Variants in PDE4B observed in about 807,000 individuals in gnomAD.
PDE4B encodes 3',5'-cyclic-AMP phosphodiesterase 4B.
A neutral mutation model predicts 82.2 loss-of-function variants in PDE4B; 20 were observed. The observed-to-expected ratio is 0.24, with a 90% CI of 0.17 to 0.35. The LOEUF is 0.35. Among genes scored for constraint, PDE4B ranks in the 10% least tolerant of loss-of-function variants. PDE4B has a pLI of 1.00. For synonymous variants in PDE4B, 320 were observed against 318.9 expected, an observed-to-expected ratio of 1.00 and a Z score of -0.04; for missense variants, 655 against 907.2, an observed-to-expected ratio of 0.72 and a Z score of 3.57.
At chr1:66,025,255 A>G (rs1653370812) in intron 3 of PDE4B, among the ~76,000 whole-genome samples, 1 of 152,140 alleles carries the variant, frequency 6.6e-6, no homozygotes, top group Non-Finnish European at 1.5e-5. Flanking sequence ...TACTTCAAGG[A>G]AAGAAGTGAT....
chr1:66,262,970 T>C (rs1379882527), intron 6 of PDE4B, among the ~76,000 whole-genome samples: 1 of 152,204 alleles, frequency 6.6e-6, no homozygotes, highest in Non-Finnish European at 1.5e-5. Context: ...CCTAGTTCAG[T>C]TTCTTCTTTC....
chr1:66,101,714 C>T lies in PDE4B; in HGVS notation c.282-145746C>T, dbSNP rs1400360015. Among the ~76,000 whole-genome samples, 30 of 151,862 alleles carry T rather than the reference C, an allele frequency of 2.0e-4. No individual in the cohort carries two copies. The East Asian group carries it at 2.5e-3, about 13-fold the overall frequency. On this transcript the variant is annotated intron_variant, in intron 3 of 16. Coordinates refer to ENST00000341517, the MANE Select transcript of PDE4B (RefSeq NM_002600.4). ...TTCTTGTTAATTTGTTTGAGTTCTTCGTAGATTCTGGATATTAGCCCTTTG... is the reference window on the plus strand; with the variant it reads ...TTCTTGTTAATTTGTTTGAGTTCTTTGTAGATTCTGGATATTAGCCCTTTG...
chr1:66,007,248 T>C (rs1271786860), intron 3 of PDE4B, among the ~76,000 whole-genome samples: 1 of 152,096 alleles, frequency 6.6e-6, no homozygotes. Context: ...CATTCAAGAC[T>C]AGCCTGACCA....
chr1:65,947,886 G>A (rs1204115207), intron 3 of PDE4B, among the ~76,000 whole-genome samples: 2 of 150,714 alleles, frequency 1.3e-5, no homozygotes, highest in African/African-American at 4.9e-5. Context: ...CTTAGTTTGT[G>A]TACTTTGTTA....
At chr1:66,009,655 T>A (rs907512300) in intron 3 of PDE4B, among the ~76,000 whole-genome samples, 3 of 152,148 alleles carry the variant, frequency 2.0e-5, no homozygotes, top group African/African-American at 7.2e-5. Flanking sequence ...CTCGGCCTTT[T>A]CTTGTTGTCA....
intron 9 of PDE4B, among the ~76,000 whole-genome samples, chr1:66,357,846 C>A (rs770541674): frequency 2.0e-5 from 3 of 152,160 alleles, no homozygotes; most frequent in African/African-American, 7.2e-5. Flanking sequence ...CCTTCCAACT[C>A]TAACTTACTA....
At chr1:65,890,730 T>C (rs1021235871) in intron 1 of PDE4B, among the ~76,000 whole-genome samples, 1 of 151,946 alleles carries the variant, frequency 6.6e-6, no homozygotes, top group Non-Finnish European at 1.5e-5. Flanking sequence ...AAGAAGAGTA[T>C]GCAGGCGTCT....
At chr1:66,071,736 T>G (rs895065428) in intron 3 of PDE4B, among the ~76,000 whole-genome samples, 2 of 152,124 alleles carry the variant, frequency 1.3e-5, no homozygotes, top group African/African-American at 2.4e-5. Context: ...ACAGATTTTT[T>G]GTATCTTAAA....
intron 1 of PDE4B, among the ~76,000 whole-genome samples, chr1:65,868,568 A>C (rs1646537695): frequency 1.3e-5 from 2 of 152,198 alleles, no homozygotes; most frequent in Non-Finnish European, 2.9e-5. Flanking sequence ...ATACTTATCA[A>C]GCACCAACTA....
At chr1:65,856,519 T>C (rs529746857) in intron 1 of PDE4B, among the ~76,000 whole-genome samples, 40 of 152,346 alleles carry the variant, frequency 2.6e-4, no homozygotes, top group African/African-American at 9.4e-4. Flanking sequence ...ACTCATTCAT[T>C]GTATGACTGC....
Position 65,918,827 on chromosome 1 carries a change from C to T in PDE4B, c.273C>T (p.Ser91=). 6.3e-7 allele frequency: 1 copy of T among 1,595,508 alleles called. No individual in the cohort carries two copies. Among genetic ancestry groups the T allele is most frequent in the Non-Finnish European group, 8.6e-7 (1 of 1,163,076 alleles). The change falls in exon 3 of 17, where the codon AGC becomes AGT. Residue 91 remains serine, a synonymous_variant. Transcript: ENST00000341517. ...CAAGCATTGCTATTACAACTGTAAG[C>T]CAGGAGTGGTGAGTAGCCTCAAAAT... is the stretch of plus-strand genomic sequence containing the variant. ...TLPSIAITTV[S]QECFDVENGP...
chr1:66,197,047 C>A (rs915031245), intron 3 of PDE4B, among the ~76,000 whole-genome samples: 1 of 151,998 alleles, frequency 6.6e-6, no homozygotes, highest in African/African-American at 2.4e-5. Context: ...AATTTGAAAA[C>A]AGGCAAATAA....
chr1:66,134,531 T>C (rs1445278317), intron 3 of PDE4B, among the ~76,000 whole-genome samples: 4 of 152,202 alleles, frequency 2.6e-5, no homozygotes, highest in African/African-American at 9.6e-5. Flanking sequence ...AGGGTACCAT[T>C]GTGGCTTGTT....
chr1:66,151,370 C>T (rs2101195930), intron 3 of PDE4B, among the ~76,000 whole-genome samples: 1 of 152,284 alleles, frequency 6.6e-6, no homozygotes, highest in Admixed American at 6.5e-5. Context: ...ACCCCTCCAG[C>T]TTCATTCATC....
At position 66,363,226 on chromosome 1, in the gene PDE4B, A is replaced by G. The variant is rs748556840; in HGVS notation, c.1079A>G (p.His360Arg). The G allele has an allele frequency of 6.2e-7, 1 of 1,611,656 alleles. No individual in the cohort carries two copies. The highest frequency in any genetic ancestry group is 1.1e-5 in the South Asian group (1 of 91,006). ...LNIFNVAGYS[H>R]NRPLTCIMYA... ...ATCTTTAATGTGGCTGGATATTCTC[A>G]CAATAGACCCCTAACATGCATCATG... The change falls in exon 11 of 17, where the codon CAC becomes CGC. Residue 360 changes from histidine (H) to arginine (R), a missense_variant. His to Arg is a conservative substitution (Grantham distance 29). Transcript: ENST00000341517.
At chr1:66,185,869 G>A (rs987193020) in intron 3 of PDE4B, among the ~76,000 whole-genome samples, 4 of 152,112 alleles carry the variant, frequency 2.6e-5, no homozygotes, top group Non-Finnish European at 5.9e-5. Flanking sequence ...TTTGGCTTTT[G>A]TTGCCATTGC....
intron 3 of PDE4B, among the ~76,000 whole-genome samples, chr1:66,214,680 G>A (rs959560891): frequency 1.3e-5 from 2 of 151,960 alleles, no homozygotes; most frequent in Admixed American, 1.3e-4. Flanking sequence ...GTAGATCAGA[G>A]AGATTATTTG....
chr1:66,077,284 A>G (rs1656482832), intron 3 of PDE4B, among the ~76,000 whole-genome samples: 1 of 152,188 alleles, frequency 6.6e-6, no homozygotes, highest in South Asian at 2.1e-4. Context: ...ATACAATAAA[A>G]TCAATAATAG....
In PDE4B at chr1:66,281,299, A is replaced by T. The variant is rs1243109378; in HGVS notation, c.634+15212A>T. ...GATTCCATCTAATCTTTAACAGGGA[A>T]CAGTTTTTGGGAAATATTACCTTTT... On this transcript the variant is annotated intron_variant, in intron 7 of 16. Coordinates refer to ENST00000341517, the MANE Select transcript of PDE4B (RefSeq NM_002600.4). 3.3e-5 allele frequency among the ~76,000 whole-genome samples: 5 copies of T among 152,216 alleles called. 1 individual carries two copies.
Sources: allele counts gnomAD v4.1 joint callset (sites outside exome capture counted in the v4.1 genomes callset), GRCh38; gene constraint gnomAD v4.1.1; transcripts MANE v1.5; gene names NCBI Gene and HGNC (gene_info 2026-07-23, HGNC 2026-07-21).